Variants in RC3H1 observed in about 807,000 individuals in gnomAD.
The protein encoded by RC3H1 is ring finger and CCCH-type domains 1, also known as roquin-1.
In RC3H1, 50 loss-of-function variants were observed where a neutral mutation model predicts 138.2. The ratio of observed to expected loss-of-function variants is 0.36; its 90% CI spans 0.29 to 0.46. The LOEUF (loss-of-function observed/expected upper bound fraction) is 0.46. RC3H1 is among the 20% of genes least tolerant of loss of function. The pLI is 1.00. For synonymous variants in RC3H1, 462 were observed against 489.1 expected, an observed-to-expected ratio of 0.94 and a Z score of 0.73; for missense variants, 1,031 against 1,388.1, an observed-to-expected ratio of 0.74 and a Z score of 4.09.
chr1:173,971,724 G>A (rs559982484), intron 8 of RC3H1, among the ~76,000 whole-genome samples: 22 of 152,228 alleles, frequency 1.4e-4, no homozygotes, highest in African/African-American at 4.3e-4. Flanking sequence ...CATAAATAAA[G>A]CTTTGACCTG....
Position 173,946,618 on chromosome 1 carries a change from G to C in RC3H1, c.2829-10C>G. The C allele has an allele frequency of 1.9e-6, 3 of 1,612,502 alleles. No individual in the cohort carries two copies. Among genetic ancestry groups the C allele is most frequent in the Non-Finnish European group, 2.5e-6 (3 of 1,179,464 alleles). ...CATAGATATTCTCTCCCTTTGGTTA[G>C]AAAGAAAGTGTGAATCAAATTTTAA... On this transcript the variant is annotated splice_polypyrimidine_tract_variant and intron_variant, in intron 16 of 19. Transcript: ENST00000367696.
intron 14 of RC3H1, among the ~76,000 whole-genome samples, chr1:173,950,524 G>A (rs993133753): frequency 1.3e-5 from 2 of 151,714 alleles, no homozygotes; most frequent in African/African-American, 4.8e-5. Flanking sequence ...AGGAGTGTGA[G>A]GCTGCAGTGA....
chr1:173,938,781 C>T lies in RC3H1; in HGVS notation c.3342G>A (p.Glu1114=). The part of the protein sequence containing the change: ...TSSLNLSEDP[E]GGGDNNDSQR... ...GGGAGTCATTATTATCCCCTCCTCC[C>T]TCAGGGTCCTCTGACAGGTTCAGAG... Residue 1114 remains glutamate (E), a synonymous_variant, in exon 20 of 20, where the codon GAG becomes GAA. Transcript: ENST00000367696. 2 of 1,613,642 alleles carry T rather than the reference C, an allele frequency of 1.2e-6. No homozygotes were observed. Among genetic ancestry groups the T allele is most frequent in the Non-Finnish European group, 1.7e-6 (2 of 1,179,656 alleles).
chr1:174,009,571 G>T (rs1413941757), intron 1 of RC3H1, among the ~76,000 whole-genome samples: 1 of 152,166 alleles, frequency 6.6e-6, no homozygotes, highest in Non-Finnish European at 1.5e-5. Flanking sequence ...AGGCATGGTG[G>T]CTCATGTCTG....
intron 2 of RC3H1, among the ~76,000 whole-genome samples, chr1:173,985,767 T>C (rs555444319): frequency 6.6e-6 from 1 of 152,286 alleles, no homozygotes; most frequent in South Asian, 2.1e-4. Context: ...TCTTTGATAA[T>C]TATCTCTTCT....
chr1:173,964,206 GGAAGTTGTTTA>G lies in RC3H1; in HGVS notation c.1617-30_1617-20del, dbSNP rs1660001700. ...TTCTAGCCTAAGGGAATAATATTATGGAAGTTGTTTAAAAAATACTTCTCATGTGCATAAAT... is the reference window on the plus strand; with the variant it reads ...TTCTAGCCTAAGGGAATAATATTATGAAAAATACTTCTCATGTGCATAAAT... On this transcript the variant is annotated intron_variant, in intron 10 of 19. Transcript: ENST00000367696. 6 of 1,574,922 alleles carry G rather than the reference GGAAGTTGTTTA, an allele frequency of 3.8e-6. No homozygotes were observed. Among genetic ancestry groups the G allele is most frequent in the Non-Finnish European group, 5.2e-6 (6 of 1,145,180 alleles).
chr1:173,988,178 A>C (rs1013645753), intron 2 of RC3H1, among the ~76,000 whole-genome samples: 2 of 152,184 alleles, frequency 1.3e-5, no homozygotes, highest in African/African-American at 4.8e-5. Context: ...ACAATTACAG[A>C]ATCATAAAGA....
chr1:173,980,315 A>T (rs925222657), intron 6 of RC3H1, among the ~76,000 whole-genome samples: 1 of 151,116 alleles, frequency 6.6e-6, no homozygotes, highest in East Asian at 1.9e-4. Flanking sequence ...AGTGTACTCT[A>T]CACTGAGAAT....
chr1:174,006,994 C>T (rs1457875446), intron 1 of RC3H1, among the ~76,000 whole-genome samples: 1 of 151,880 alleles, frequency 6.6e-6, no homozygotes, highest in African/African-American at 2.4e-5. Flanking sequence ...CTCAAAAGGC[C>T]CCCCCTCACT....
rs1658371799 is a variant in RC3H1, at chr1:173,931,382, C to A, written c.*7339G>T. The A allele has an allele frequency of 6.6e-6, 1 of 152,152 alleles. No individual in the cohort carries two copies. The highest frequency in any genetic ancestry group is 1.5e-5 in the Non-Finnish European group (1 of 68,024). The allele number at this position is 152,152 out of a possible 1,614,324, so 9.4% of individuals were successfully genotyped here. A position where few individuals can be genotyped will look rare whatever the true frequency, so the allele number is the denominator to read the frequency against. Reference sequence around the variant, plus strand: ...AGCCTTAAACACTAATTAGGAGCAACATGAGGCTGAGTCAGTTTCCAAGGT... The same window carrying A: ...AGCCTTAAACACTAATTAGGAGCAAAATGAGGCTGAGTCAGTTTCCAAGGT... On this transcript the variant is annotated 3_prime_UTR_variant, in exon 20 of 20. Transcript: ENST00000367696.
In RC3H1 at chr1:173,941,271, G is replaced by A; in HGVS notation, c.3245C>T (p.Thr1082Ile). ...NKVPAEDLTL[T>I]FSDVPNGSAL... ...ACAATCTCCTTTTCTTTACCTGAAT[G>A]TCAATGTAAGGTCCTCAGCCGGAAC... The change falls in exon 19 of 20, where the codon ACA (threonine) becomes ATA (isoleucine). Residue 1082 changes from threonine to isoleucine, a missense_variant. Physicochemically the swap from Thr to Ile is moderately conservative, Grantham distance 89. This residue lies in a region of RC3H1 where 716 missense variants were observed against 837.9 expected (regional missense o/e 0.85). Transcript: ENST00000367696. The A allele has an allele frequency of 6.2e-7, 1 of 1,600,158 alleles. No homozygotes were observed. Among genetic ancestry groups the A allele is most frequent in the Non-Finnish European group, 8.6e-7 (1 of 1,167,726 alleles).
chr1:173,936,514 C>CAAAAAAAAA lies in RC3H1; in HGVS notation c.*2198_*2206dup, dbSNP rs1169468233. On this transcript the variant is annotated 3_prime_UTR_variant, in exon 20 of 20. Transcript: ENST00000367696. The stretch of plus-strand genomic sequence containing the variant: ...GGGCAACAGAAGCAGACTCCCTCTC[C>CAAAAAAAAA]AAAAAAAAAAAAAAAAAAAAAAAAA... 1 of 28,160 alleles carries CAAAAAAAAA rather than the reference C, an allele frequency of 3.6e-5. No individual in the cohort carries two copies. 1.7% of individuals were successfully genotyped at this position (28,160 alleles called of 1,614,324 possible). A position where few individuals can be genotyped will look rare whatever the true frequency, so the allele number is the denominator to read the frequency against.
Position 174,000,485 on chromosome 1 carries a change from C to A in RC3H1, c.-150-7350G>T, listed in dbSNP as rs114369517. 3.4e-3 allele frequency among the ~76,000 whole-genome samples: 517 copies of A among 152,266 alleles called. 2 individuals are homozygous for A. Among genetic ancestry groups the A allele is most frequent in the African/African-American group, 0.012 (484 of 41,550 alleles). ...GTTTGGCGGCATTAAGTAACGGCCC[C>A]AAATCAATAAACTGTTGAGCTGGGA... is the stretch of plus-strand genomic sequence containing the variant. On this transcript the variant is annotated intron_variant, in intron 1 of 19. Transcript: ENST00000367696.
intron 1 of RC3H1, among the ~76,000 whole-genome samples, chr1:174,005,810 C>T (rs1256690364): frequency 1.3e-5 from 2 of 152,106 alleles, no homozygotes; most frequent in East Asian, 3.9e-4. Context: ...TGCAACAGTC[C>T]TCTATGTTGA....
At chr1:173,948,271 A>G (rs1365808781) in intron 14 of RC3H1, among the ~76,000 whole-genome samples, 1 of 152,172 alleles carries the variant, frequency 6.6e-6, no homozygotes, top group Non-Finnish European at 1.5e-5. Flanking sequence ...CTTTAGTCCT[A>G]TAAGGAAAAT....
intron 1 of RC3H1, among the ~76,000 whole-genome samples, chr1:174,017,783 C>CCAAAAAAAAAAAAAAAAAAAAAA (rs1165317766): frequency 6.9e-5 from 5 of 72,034 alleles, no homozygotes; most frequent in African/African-American, 2.9e-4. Flanking sequence ...TTTTCTTGCT[C>CCAAAAAAAAAAAAAAAAAAAAAA]AAAAAAAAAA....
intron 10 of RC3H1, 142 bp from the exon 11 acceptor site, chr1:173,964,329 C>A (rs1660007728): frequency 1.6e-6 from 1 of 641,208 alleles, no homozygotes; most frequent in Non-Finnish European, 2.7e-6. Context: ...ATTTTTAAAT[C>A]TTATTTCCCC....
Position 173,938,701 on chromosome 1 carries a change from A to T in RC3H1, c.*20T>A, listed in dbSNP as rs1482771729. ...ACAAACTGATTAGGAGCAGAAGATA[A>T]AAGTAGGACTCCTCATATTTTAAGG... On this transcript the variant is annotated 3_prime_UTR_variant, in exon 20 of 20. Transcript: ENST00000367696. The T allele has an allele frequency of 6.4e-7, 1 of 1,563,634 alleles. No homozygotes were observed. Among genetic ancestry groups the T allele is most frequent in the Non-Finnish European group, 8.7e-7 (1 of 1,150,880 alleles).
At chr1:173,940,795 GT>G (rs1213435112) in intron 19 of RC3H1, among the ~76,000 whole-genome samples, 2 of 151,270 alleles carry the variant, frequency 1.3e-5, no homozygotes, top group Non-Finnish European at 1.5e-5. Context: ...TTGGATCTAA[GT>G]TTTGTAACTC....
Sources: allele counts gnomAD v4.1 joint callset (sites outside exome capture counted in the v4.1 genomes callset), GRCh38; gene constraint gnomAD v4.1.1; regional missense constraint gnomAD v4.1.1; transcripts MANE v1.5; gene names NCBI Gene and HGNC (gene_info 2026-07-23, HGNC 2026-07-21).